CSMD1: variants seen among roughly 807,000 people sequenced by gnomAD.
CSMD1 encodes CUB and Sushi multiple domains 1, also known as CUB and sushi domain-containing protein 1.
In CSMD1, 213 loss-of-function variants were observed where a neutral mutation model predicts 417.5. That is an observed-to-expected ratio of 0.51 (90% CI 0.46 to 0.57). The LOEUF (loss-of-function observed/expected upper bound fraction) is 0.57, where lower values mean the gene tolerates loss of function less well. Ranked by LOEUF, CSMD1 falls within the 20% of genes least tolerant of loss-of-function variation. The pLI is 0.00. For missense variants in CSMD1, 6,923 were observed against 4,529.7 expected (o/e 1.53, Z -15.17); for synonymous variants, 2,862 against 1,736.8 (o/e 1.65, Z -16.11).
In CSMD1 at chr8:4,637,578, C is replaced by CAA; in HGVS notation, c.86-22_86-21dup. The CAA allele has an allele frequency of 6.8e-7, 1 of 1,476,636 alleles. No homozygotes were observed. The highest frequency in any genetic ancestry group is 9.2e-7 in the Non-Finnish European group (1 of 1,083,990). The allele number at this position is 1,476,636 out of a possible 1,614,324, so 91.5% of individuals were successfully genotyped here. A position where few individuals can be genotyped will look rare whatever the true frequency, so the allele number is the denominator to read the frequency against. ...TCTGACCTGGAAGAGAAAACACACA[C>CAA]AAAAAAGCATATTATTCTGGCCATC... On this transcript the variant is annotated intron_variant, in intron 1 of 69. Coordinates refer to ENST00000635120, the MANE Select transcript of CSMD1 (RefSeq NM_033225.6).
Position 3,183,311 on chromosome 8 carries a change from C to T in CSMD1, c.5621-2097G>A, listed in dbSNP as rs112975287. 5.1e-4 allele frequency among the ~76,000 whole-genome samples: 74 copies of T among 144,574 alleles called. 2 individuals are homozygous for T. The highest frequency in any genetic ancestry group is 3.9e-3 in the Middle Eastern group (1 of 256). 94.8% of individuals were successfully genotyped at this position (144,574 alleles called of 152,430 possible). A position where few individuals can be genotyped will look rare whatever the true frequency, so the allele number is the denominator to read the frequency against. On this transcript the variant is annotated intron_variant, in intron 36 of 69. Coordinates refer to ENST00000635120, the MANE Select transcript of CSMD1 (RefSeq NM_033225.6). ...CCTGAAACATCGAGTAGGTCTCTAA[C>T]GCCTAATCTATCTATCCCTGAAATA...
intron 12 of CSMD1, among the ~76,000 whole-genome samples, chr8:3,439,513 G>GTC (rs1814832349): frequency 6.7e-6 from 1 of 150,360 alleles, no homozygotes. Flanking sequence ...GTGTCTGTGT[G>GTC]TGTGTGTGTA....
At chr8:4,523,654 C>G (rs888351538) in intron 2 of CSMD1, among the ~76,000 whole-genome samples, 5 of 152,074 alleles carry the variant, frequency 3.3e-5, no homozygotes, top group Non-Finnish European at 5.9e-5. Context: ...GGCCTGAAGG[C>G]AACTCTAATC....
chr8:3,208,117 G>T (rs950393136), intron 30 of CSMD1, among the ~76,000 whole-genome samples: 2 of 151,988 alleles, frequency 1.3e-5, no homozygotes, highest in Non-Finnish European at 2.9e-5. Flanking sequence ...TTTTATTTGC[G>T]CTCAGTCACA....
At chr8:4,523,595 G>T (rs73180949) in intron 2 of CSMD1, among the ~76,000 whole-genome samples, 1 of 152,022 alleles carries the variant, frequency 6.6e-6, no homozygotes, top group Non-Finnish European at 1.5e-5. Context: ...CAGAATATTA[G>T]TGTGGTAGAA....
chr8:3,696,688 CA>C (rs1305200696), intron 7 of CSMD1, among the ~76,000 whole-genome samples: 1 of 152,124 alleles, frequency 6.6e-6, no homozygotes, highest in African/African-American at 2.4e-5. Flanking sequence ...AGACAACAGT[CA>C]GTAAGGGAAG....
intron 6 of CSMD1, among the ~76,000 whole-genome samples, chr8:3,719,625 G>C (rs1467179048): frequency 6.6e-6 from 1 of 152,176 alleles, no homozygotes; most frequent in East Asian, 1.9e-4. Flanking sequence ...TCTATGCACA[G>C]AGGAAAGTGC....
intron 3 of CSMD1, among the ~76,000 whole-genome samples, chr8:4,192,894 A>G (rs949334728): frequency 3.3e-5 from 5 of 152,168 alleles, no homozygotes; most frequent in Non-Finnish European, 7.3e-5. Context: ...TCCATAAGTC[A>G]CACCTTTAAG....
intron 3 of CSMD1, among the ~76,000 whole-genome samples, chr8:4,301,120 G>A (rs1483019220): frequency 1.3e-5 from 2 of 152,154 alleles, no homozygotes; most frequent in African/African-American, 2.4e-5. Context: ...AAAATTGCCC[G>A]TGTTTGAGGA....
At chr8:3,103,468 G>A (rs184153707) in intron 46 of CSMD1, among the ~76,000 whole-genome samples, 17 of 152,128 alleles carry the variant, frequency 1.1e-4, no homozygotes, top group Admixed American at 9.8e-4. Flanking sequence ...TAGGCAACTG[G>A]AACACAAGGG....
chr8:4,932,349 AACACT>A (rs1314449601), intron 1 of CSMD1, among the ~76,000 whole-genome samples: 3 of 152,064 alleles, frequency 2.0e-5, no homozygotes, highest in African/African-American at 7.2e-5. Context: ...GAAAAAAAAA[AACACT>A]CAAAGTCTGA....
chr8:3,631,207 G>A (rs1318175120), intron 7 of CSMD1, among the ~76,000 whole-genome samples: 1 of 152,126 alleles, frequency 6.6e-6, no homozygotes, highest in Non-Finnish European at 1.5e-5. Context: ...CCTGCTTTAT[G>A]TTGCTATGTG....
intron 7 of CSMD1, among the ~76,000 whole-genome samples, chr8:3,629,265 T>A (rs1277611973): frequency 6.6e-6 from 1 of 151,966 alleles, no homozygotes; most frequent in Non-Finnish European, 1.5e-5. Flanking sequence ...TGAAGACCCT[T>A]TCTGAATAAG....
intron 3 of CSMD1, among the ~76,000 whole-genome samples, chr8:4,233,909 A>G (rs943784169): frequency 1.3e-5 from 2 of 149,822 alleles, no homozygotes; most frequent in Non-Finnish European, 3.0e-5. Flanking sequence ...GGATGAACCA[A>G]TGTCACCCTA....
chr8:4,980,527 T>G (rs1810831144), intron 1 of CSMD1, among the ~76,000 whole-genome samples: 1 of 152,236 alleles, frequency 6.6e-6, no homozygotes, highest in Admixed American at 6.5e-5. Context: ...GAGCTCTGCC[T>G]TTTGGGTGAG....
Position 3,230,048 on chromosome 8 carries a change from G to C in CSMD1, c.4337C>G (p.Thr1446Arg), listed in dbSNP as rs1798740636. Residue 1446 changes from threonine to arginine, a missense_variant, in exon 27 of 70, where the codon ACA becomes AGA. Physicochemically the swap from Thr to Arg is moderately conservative, Grantham distance 71. Transcript: ENST00000635120. The stretch of plus-strand genomic sequence containing the variant: ...GTTCTGTTGTCTGATACCTATGCAT[G>C]TAGGAGGGTCTGGTTGCCAAAAGAA... ...NRFFWQPDPP[T>R]CIAACGGNLT... 6.2e-7 allele frequency: 1 copy of C among 1,602,430 alleles called. No homozygotes were observed. The highest frequency in any genetic ancestry group is 8.5e-7 in the Non-Finnish European group (1 of 1,173,896).
intron 40 of CSMD1, among the ~76,000 whole-genome samples, chr8:3,146,403 T>C (rs1365476969): frequency 6.6e-6 from 1 of 152,076 alleles, no homozygotes; most frequent in Admixed American, 6.6e-5. Flanking sequence ...GGTTTAACTA[T>C]TAAAAACAGC....
At chr8:3,915,345 G>A (rs1808742952) in intron 5 of CSMD1, among the ~76,000 whole-genome samples, 1 of 147,030 alleles carries the variant, frequency 6.8e-6, no homozygotes, top group Non-Finnish European at 1.5e-5. Context: ...AGCGGAAGTT[G>A]CAGTGAGCTT....
intron 1 of CSMD1, among the ~76,000 whole-genome samples, chr8:4,690,806 G>A (rs140765980): frequency 1.3e-5 from 2 of 152,152 alleles, no homozygotes; most frequent in Non-Finnish European, 2.9e-5. Flanking sequence ...TCGGCTCACT[G>A]CAACCTCTTC....
Sources: allele counts gnomAD v4.1 joint callset (sites outside exome capture counted in the v4.1 genomes callset), GRCh38; gene constraint gnomAD v4.1.1; transcripts MANE v1.5; gene names NCBI Gene and HGNC (gene_info 2026-07-23, HGNC 2026-07-21).